FSTL5: variants seen among roughly 807,000 people sequenced by gnomAD.
The protein encoded by FSTL5 is follistatin like 5, also known as follistatin-related protein 5.
FSTL5 carries 62 observed loss-of-function variants against 89.1 expected under a neutral mutation model. The ratio of observed to expected loss-of-function variants is 0.70; its 90% CI spans 0.57 to 0.86. The LOEUF (loss-of-function observed/expected upper bound fraction) is 0.86, where lower values mean the gene tolerates loss of function less well. FSTL5 is among the 40% of genes least tolerant of loss of function. The pLI is 0.00. For missense variants in FSTL5, 1,057 were observed against 1,001.6 expected (o/e 1.06, Z -0.75); for synonymous variants, 383 against 346.2 (o/e 1.11, Z -1.18).
At chr4:161,639,308 C>A (rs1735857573) in intron 7 of FSTL5, among the ~76,000 whole-genome samples, 1 of 152,112 alleles carries the variant, frequency 6.6e-6, no homozygotes, top group Non-Finnish European at 1.5e-5. Flanking sequence ...TTATTATGTA[C>A]TTGATGGGAT....
At chr4:161,594,701 T>C (rs897108787) in intron 7 of FSTL5, among the ~76,000 whole-genome samples, 1 of 152,020 alleles carries the variant, frequency 6.6e-6, no homozygotes, top group Non-Finnish European at 1.5e-5. Context: ...ATAAACTCCT[T>C]TTCAGGCAGC....
At chr4:161,794,437 A>G (rs989367790) in intron 4 of FSTL5, among the ~76,000 whole-genome samples, 3 of 152,196 alleles carry the variant, frequency 2.0e-5, no homozygotes, top group African/African-American at 7.2e-5. Flanking sequence ...TTCCTTGAGC[A>G]TTTAGGGCTT....
At chr4:161,724,530 ACTT>A (rs1176221266) in intron 6 of FSTL5, among the ~76,000 whole-genome samples, 3 of 152,258 alleles carry the variant, frequency 2.0e-5, no homozygotes, top group South Asian at 2.1e-4. Flanking sequence ...CATTCTAAAG[ACTT>A]CTTCTGGACT....
chr4:161,977,585 C>T (rs1047712402), intron 3 of FSTL5, among the ~76,000 whole-genome samples: 12 of 138,478 alleles, frequency 8.7e-5, no homozygotes, highest in African/African-American at 3.0e-4. Context: ...TGCACTCCAG[C>T]CTGGGCGACA....
intron 3 of FSTL5, among the ~76,000 whole-genome samples, chr4:162,028,069 C>A (rs1266457220): frequency 6.6e-6 from 1 of 152,074 alleles, no homozygotes; most frequent in East Asian, 1.9e-4. Flanking sequence ...GTTTATTCAG[C>A]ATTACTGCTT....
intron 15 of FSTL5, among the ~76,000 whole-genome samples, chr4:161,413,266 AAAAAAAAAAAAAAAAAAT>A (rs1731657434): frequency 9.6e-6 from 1 of 104,674 alleles, no homozygotes. Flanking sequence ...AAAAAAAAAA[AAAAAAAAAAAAAAAAAAT>A]AAAGACACAC....
intron 15 of FSTL5, among the ~76,000 whole-genome samples, chr4:161,420,249 G>T (rs1731935527): frequency 6.6e-6 from 1 of 152,196 alleles, no homozygotes; most frequent in Admixed American, 6.5e-5. Flanking sequence ...TGAAGGAAAA[G>T]GGGATACAGA....
At chr4:161,417,319 G>C (rs1336710097) in intron 15 of FSTL5, among the ~76,000 whole-genome samples, 1 of 152,174 alleles carries the variant, frequency 6.6e-6, no homozygotes, top group Non-Finnish European at 1.5e-5. Flanking sequence ...AACTCTTCCT[G>C]TTAATGCAAC....
intron 4 of FSTL5, among the ~76,000 whole-genome samples, chr4:161,851,583 G>A (rs1386041569): frequency 1.3e-5 from 2 of 152,004 alleles, no homozygotes; most frequent in African/African-American, 2.4e-5. Context: ...CATGAAATAT[G>A]TGTATATATA....
chr4:161,483,911 G>A (rs1408004625), intron 12 of FSTL5, among the ~76,000 whole-genome samples: 1 of 152,028 alleles, frequency 6.6e-6, no homozygotes, highest in Non-Finnish European at 1.5e-5. Context: ...AACTAATGGA[G>A]ATGAGAGTCC....
At chr4:161,653,910 A>T (rs1403053332) in intron 7 of FSTL5, among the ~76,000 whole-genome samples, 1 of 152,178 alleles carries the variant, frequency 6.6e-6, no homozygotes, top group Non-Finnish European at 1.5e-5. Flanking sequence ...TACACTATAG[A>T]TTAGGAATGT....
chr4:161,776,189 T>G lies in FSTL5; in HGVS notation c.410-115A>C, dbSNP rs866637069. 6.1e-5 allele frequency: 34 copies of G among 561,264 alleles called. No homozygotes were observed. In the Middle Eastern group the frequency reaches 3.1e-3, roughly 51 times the overall value. The allele number at this position is 561,264 out of a possible 1,614,324, so 34.8% of individuals were successfully genotyped here. On this transcript the variant is annotated intron_variant, in intron 4 of 15. Coordinates refer to ENST00000306100, the MANE Select transcript of FSTL5 (RefSeq NM_020116.5). ...CATACTATGTACATAATTTTTACTT[T>G]TCTGGTGTTTTACGATTTACAACTT...
intron 2 of FSTL5, among the ~76,000 whole-genome samples, chr4:162,058,933 T>C (rs1028586036): frequency 6.6e-6 from 1 of 152,208 alleles, no homozygotes; most frequent in Middle Eastern, 3.2e-3. Context: ...AACAATGGCA[T>C]AATTGTATTG....
At chr4:161,393,775 T>G (rs548290859) in intron 15 of FSTL5, among the ~76,000 whole-genome samples, 1 of 152,256 alleles carries the variant, frequency 6.6e-6, no homozygotes, top group Admixed American at 6.5e-5. Context: ...AATGTATGCT[T>G]CCTGAGGAGC....
chr4:161,565,117 G>T (rs1364932421), intron 8 of FSTL5, among the ~76,000 whole-genome samples: 1 of 151,794 alleles, frequency 6.6e-6, no homozygotes, highest in Non-Finnish European at 1.5e-5. Context: ...ATGTGGGGCC[G>T]AAAGCAAAGA....
At chr4:161,513,037 C>A (rs1730699560) in intron 10 of FSTL5, among the ~76,000 whole-genome samples, 1 of 151,788 alleles carries the variant, frequency 6.6e-6, no homozygotes, top group African/African-American at 2.4e-5. Context: ...TAAATCTGTT[C>A]CAATAAGCAG....
rs151072524 is a variant in FSTL5, at chr4:161,561,206, G to GAAAC, written c.1016-18514_1016-18513insGTTT. On this transcript the variant is annotated intron_variant, in intron 8 of 15. Transcript: ENST00000306100. ...CTGTATTTTAGATGATAGATAGATA[G>GAAAC]ATAGATAGATACATAGATAGATAGA... 3.3e-5 allele frequency among the ~76,000 whole-genome samples: 5 copies of GAAAC among 151,476 alleles called. No homozygotes were observed. The East Asian group carries it at 9.9e-4, about 30-fold the overall frequency.
At chr4:161,487,048 T>C (rs981959915) in intron 12 of FSTL5, among the ~76,000 whole-genome samples, 8 of 152,180 alleles carry the variant, frequency 5.3e-5, no homozygotes, top group Admixed American at 2.6e-4. Flanking sequence ...AACTTTGAGG[T>C]GTTTCACTGA....
intron 10 of FSTL5, among the ~76,000 whole-genome samples, chr4:161,526,119 CTG>C (rs1731211987): frequency 6.6e-6 from 1 of 152,082 alleles, no homozygotes; most frequent in East Asian, 1.9e-4. Flanking sequence ...ACAGGGTCCT[CTG>C]TTGTTTTATT....
Sources: gnomAD v4.1 joint callset for allele counts (sites outside exome capture counted in the v4.1 genomes callset) on GRCh38, gnomAD v4.1.1 for gene constraint, MANE v1.5 for transcripts, NCBI Gene and HGNC (gene_info 2026-07-23, HGNC 2026-07-21) for gene names.